The following RSPH14 variants were observed in gnomAD, a reference collection of about 807,000 sequenced individuals.
RSPH14 encodes rhabdoid tumor deletion region gene 1.
In RSPH14, 20 loss-of-function variants were observed where a neutral mutation model predicts 26.7. The observed-to-expected ratio is 0.75, with a 90% CI of 0.53 to 1.09. RSPH14 has a LOEUF of 1.09. RSPH14 is among the 50% of genes least tolerant of loss of function. The pLI is 0.00. For synonymous variants in RSPH14, 177 were observed against 189.3 expected (o/e 0.93, Z 0.53); for missense variants, 449 against 457.2 (o/e 0.98, Z 0.16).
rs1184331796 is a variant in RSPH14 at position 23,059,671 on chromosome 22, G to C, written c.838C>G (p.Leu280Val). 95 of 1,575,360 alleles carry C rather than the reference G, an allele frequency of 6.0e-5. No homozygotes were observed. Among genetic ancestry groups the C allele is most frequent in the Non-Finnish European group, 8.2e-5 (95 of 1,159,666 alleles). ...EAQAIGLLLELLHSPMTIARL... is the reference protein window; with the variant it reads ...EAQAIGLLLEVLHSPMTIARL... ...GCTATGGTCATGGGGGAGTGCAGCA[G>C]CTCCAGGAGCAGGCCGATGGCTTGT... Residue 280 changes from leucine to valine, a missense_variant, in exon 7 of 7, where the codon CTG becomes GTG. By Grantham distance (32) the Leu-to-Val change is conservative (BLOSUM62 1). Transcript: ENST00000216036.
intron 4 of RSPH14, chr22:23,123,451 G>A (rs556595495): frequency 2.2e-5 from 34 of 1,533,656 alleles, no homozygotes; most frequent in African/African-American, 1.1e-4. Flanking sequence ...CCCGGGGCCC[G>A]CCTGCCTATG....
Position 23,141,933 on chromosome 22 carries a change from A to G in RSPH14, c.-53+16T>C. 1.0e-6 allele frequency: 1 copy of G among 983,530 alleles called. No individual in the cohort carries two copies. Among genetic ancestry groups the G allele is most frequent in the African/African-American group, 1.7e-5 (1 of 57,310 alleles). 60.9% of individuals were successfully genotyped at this position (983,530 alleles called of 1,614,324 possible). ...CCCCCTGTCCCCGGGCCCCTAGCCC[A>G]CCACCGCCGCCTCACCTGCCTCCGC... On this transcript the variant is annotated intron_variant, in intron 1 of 6. Transcript: ENST00000216036.
chr22:23,105,758 T>C (rs1044579373), intron 4 of RSPH14, among the ~76,000 whole-genome samples: 3 of 152,244 alleles, frequency 2.0e-5, no homozygotes, highest in Non-Finnish European at 2.9e-5. Flanking sequence ...CTTCAGCGAC[T>C]GACACTGGCT....
At chr22:23,104,835 A>C (rs1444813211) in intron 4 of RSPH14, among the ~76,000 whole-genome samples, 1 of 152,202 alleles carries the variant, frequency 6.6e-6, no homozygotes, top group African/African-American at 2.4e-5. Context: ...CTGAGGCCCC[A>C]CTGGCTCAGT....
intron 2 of RSPH14, among the ~76,000 whole-genome samples, chr22:23,139,623 AAAAT>A (rs10584928): frequency 0.49 from 73,811 of 151,308 alleles, 18,550 homozygotes; most frequent in Middle Eastern, 0.57. Context: ...GCCATCTCAA[AAAAT>A]AAATAAATAA....
intron 4 of RSPH14, among the ~76,000 whole-genome samples, chr22:23,080,410 C>T (rs930590282): frequency 6.6e-6 from 1 of 152,214 alleles, no homozygotes; most frequent in African/African-American, 2.4e-5. Context: ...CAGAAGGACA[C>T]TGGGAGGCCC....
At chr22:23,082,447 C>T (rs1188860444) in intron 4 of RSPH14, among the ~76,000 whole-genome samples, 3 of 149,086 alleles carry the variant, frequency 2.0e-5, no homozygotes, top group Non-Finnish European at 4.4e-5. Flanking sequence ...TGGTCTTGAA[C>T]TGACTTCGTG....
intron 4 of RSPH14, among the ~76,000 whole-genome samples, chr22:23,103,664 G>A (rs751902571): frequency 6.6e-6 from 1 of 152,230 alleles, no homozygotes; most frequent in Non-Finnish European, 1.5e-5. Context: ...ACCACAAGCT[G>A]GGGGCCATCT....
chr22:23,130,063 GA>G lies in RSPH14; in HGVS notation c.421+3962del, dbSNP rs1230989552. Among the ~76,000 whole-genome samples, 137 of 32,264 alleles carry G rather than the reference GA, an allele frequency of 4.2e-3. 3 individuals carry two copies. Among genetic ancestry groups the G allele is most frequent in the African/African-American group, 0.021 (129 of 6,288 alleles). 21.2% of individuals were successfully genotyped at this position (32,264 alleles called of 152,430 possible). A position where few individuals can be genotyped will look rare whatever the true frequency, so the allele number is the denominator to read the frequency against. On this transcript the variant is annotated intron_variant, in intron 4 of 6. Transcript: ENST00000216036. ...GGAGAGAAAGAAAGAGAAAGAAAAAGAAAGAAAGAAAGAAAGAAAGGAAGAA... is the reference window on the plus strand; with the variant it reads ...GGAGAGAAAGAAAGAGAAAGAAAAAGAAGAAAGAAAGAAAGAAAGGAAGAA...
At chr22:23,128,254 T>C (rs2070231935) in intron 4 of RSPH14, among the ~76,000 whole-genome samples, 1 of 152,236 alleles carries the variant, frequency 6.6e-6, no homozygotes, top group Non-Finnish European at 1.5e-5. Flanking sequence ...TGTTTTCTCA[T>C]GGGGTTCTAC....
intron 5 of RSPH14, among the ~76,000 whole-genome samples, chr22:23,062,969 C>T (rs1360616067): frequency 6.6e-6 from 1 of 152,222 alleles, no homozygotes; most frequent in Non-Finnish European, 1.5e-5. Flanking sequence ...CAGAGGAAAG[C>T]CCTGTCCTCA....
At chr22:23,128,247 T>C (rs767904868) in intron 4 of RSPH14, among the ~76,000 whole-genome samples, 12 of 152,188 alleles carry the variant, frequency 7.9e-5, no homozygotes, top group Non-Finnish European at 1.6e-4. Context: ...TGAAACCTGT[T>C]TTCTCATGGG....
Position 23,067,851 on chromosome 22 carries a change from T to A in RSPH14, c.422-3718A>T, listed in dbSNP as rs538663488. On this transcript the variant is annotated intron_variant, in intron 4 of 6. Coordinates refer to ENST00000216036, the MANE Select transcript of RSPH14 (RefSeq NM_014433.3). ...GCCATCTCACAGCCACAGCAGACCGTACACTGAACTCAGCCTCACAGACTG... is the reference window on the plus strand; with the variant it reads ...GCCATCTCACAGCCACAGCAGACCGAACACTGAACTCAGCCTCACAGACTG... 2.6e-5 allele frequency among the ~76,000 whole-genome samples: 4 copies of A among 152,282 alleles called. No individual in the cohort carries two copies. In the South Asian group the frequency reaches 8.3e-4, roughly 32 times the overall value.
the RSPH14 span, among the ~76,000 whole-genome samples, chr22:23,157,116 A>G: frequency 3.3e-5 from 5 of 152,144 alleles, no homozygotes; most frequent in African/African-American, 1.2e-4. Flanking sequence ...TGATGAGAGG[A>G]GCTGAGGGCC....
At chr22:23,140,115 C>A (rs1180145578) in intron 2 of RSPH14, 107 bp downstream of exon 2, 1 of 1,432,372 alleles carries the variant, frequency 7.0e-7, no homozygotes, top group East Asian at 2.4e-5. Context: ...TGGAACTGGC[C>A]TGGAGTCAGG....
At chr22:23,147,400 C>CT (rs2070848237), upstream of RSPH14, among the ~76,000 whole-genome samples, 1 of 151,918 alleles carries the variant, frequency 6.6e-6, no homozygotes, top group Non-Finnish European at 1.5e-5. Context: ...ATGGTGCCAT[C>CT]ATAATTCACT....
At chr22:23,146,284 C>G (rs2070765523), upstream of RSPH14, among the ~76,000 whole-genome samples, 1 of 152,220 alleles carries the variant, frequency 6.6e-6, no homozygotes, top group Non-Finnish European at 1.5e-5. Context: ...TCACGGTTCA[C>G]TGCACCCTTG....
At chr22:23,130,826 A>G (rs1328154326) in intron 4 of RSPH14, among the ~76,000 whole-genome samples, 1 of 152,264 alleles carries the variant, frequency 6.6e-6, no homozygotes, top group Non-Finnish European at 1.5e-5. Context: ...GTAAAGCCAT[A>G]TCACAGTGAA....
chr22:23,102,791 C>T (rs2069344364), intron 4 of RSPH14, among the ~76,000 whole-genome samples: 2 of 152,230 alleles, frequency 1.3e-5, no homozygotes, highest in African/African-American at 4.8e-5. Context: ...AGCCAGGAGG[C>T]CAACCCCATC....
Sources: gnomAD v4.1 joint callset for allele counts (sites outside exome capture counted in the v4.1 genomes callset) on GRCh38, gnomAD v4.1.1 for gene constraint, MANE v1.5 for transcripts, NCBI Gene and HGNC (gene_info 2026-07-23, HGNC 2026-07-21) for gene names.